TSGA10: variants seen among roughly 807,000 people sequenced by gnomAD.
TSGA10 encodes testis-specific gene 10 protein.
Under a neutral mutation model 96.6 loss-of-function variants are expected in TSGA10, and 43 were observed. The observed-to-expected ratio is 0.44, with a 90% CI of 0.35 to 0.57. TSGA10 has a LOEUF of 0.57. Ranked by LOEUF, TSGA10 falls within the 20% of genes least tolerant of loss-of-function variation. TSGA10 has a pLI of 0.01. For missense variants in TSGA10, 703 were observed against 834.4 expected (o/e 0.84, Z 1.94); for synonymous variants, 229 against 269.9 (o/e 0.85, Z 1.48).
chr2:99,048,095 T>C (rs2082984267), intron 16 of TSGA10, among the ~76,000 whole-genome samples: 1 of 152,138 alleles, frequency 6.6e-6, no homozygotes, highest in African/African-American at 2.4e-5. Flanking sequence ...TGGAAGAACA[T>C]TCCATGCTCA....
chr2:99,074,187 T>G (rs369388063), intron 12 of TSGA10, among the ~76,000 whole-genome samples: 70 of 146,158 alleles, frequency 4.8e-4, no homozygotes, highest in African/African-American at 8.8e-4. Context: ...TAATTTTTTG[T>G]ATACTTAGTA....
chr2:99,108,975 A>G lies in TSGA10; in HGVS notation c.68T>C (p.Val23Ala). 6.3e-7 allele frequency: 1 copy of G among 1,588,510 alleles called. No homozygotes were observed. The highest frequency in any genetic ancestry group is 8.5e-7 in the Non-Finnish European group (1 of 1,172,450). ...TCTTGTTGTTGTCTTCAAAAGTTCT[A>G]CATCACAGTTTGCACCCTATAATTA... is the stretch of plus-strand genomic sequence containing the variant. ...SPTARGANCDVELLKTTTRDR... is the reference protein window; with the variant it reads ...SPTARGANCDAELLKTTTRDR... The change falls in exon 7 of 21, where the codon GTA (valine) becomes GCA (alanine). Residue 23 changes from valine (V) to alanine (A), a missense_variant. This residue lies in a region of TSGA10 where 585 missense variants were observed against 656.8 expected (regional missense o/e 0.89). Coordinates refer to ENST00000393483, the MANE Select transcript of TSGA10 (RefSeq NM_025244.4).
At chr2:99,144,699 GTC>G (rs982460075) in intron 1 of TSGA10, among the ~76,000 whole-genome samples, 1 of 146,056 alleles carries the variant, frequency 6.8e-6, no homozygotes, top group Non-Finnish European at 1.5e-5. Context: ...GATAAGTCTG[GTC>G]TCTGTTACTC....
At position 99,143,846 on chromosome 2, in the gene TSGA10, C is replaced by T. The variant is rs564502256; in HGVS notation, c.-621+10847G>A. ...CTTCTAAGGTCTTGGTTTTCTAGTCCCTTAATTTTTCCATCATTTCAAAAG... is the reference window on the plus strand; with the variant it reads ...CTTCTAAGGTCTTGGTTTTCTAGTCTCTTAATTTTTCCATCATTTCAAAAG... On this transcript the variant is annotated intron_variant, in intron 1 of 20. Transcript: ENST00000393483. 5.9e-5 allele frequency among the ~76,000 whole-genome samples: 9 copies of T among 152,124 alleles called. No homozygotes were observed. In the South Asian group the frequency reaches 1.5e-3, roughly 25 times the overall value.
intron 16 of TSGA10, among the ~76,000 whole-genome samples, chr2:99,052,298 G>T (rs2083470881): frequency 6.6e-6 from 1 of 151,848 alleles, no homozygotes; most frequent in South Asian, 2.1e-4. Context: ...GACACAACAA[G>T]AAATACAAAG....
intron 16 of TSGA10, among the ~76,000 whole-genome samples, chr2:99,056,949 A>G (rs925807151): frequency 2.6e-5 from 4 of 152,162 alleles, no homozygotes; most frequent in Admixed American, 2.6e-4. Context: ...GTAATATACT[A>G]TATCTATAAA....
chr2:99,101,422 C>T (rs757497671), intron 10 of TSGA10, among the ~76,000 whole-genome samples: 3 of 152,048 alleles, frequency 2.0e-5, no homozygotes, highest in Admixed American at 6.5e-5. Context: ...CCTCCCTTGG[C>T]CCCTCAAAGT....
rs552172844 is a variant in TSGA10, at chr2:99,127,061, G to A, written c.-505C>T. The A allele has an allele frequency of 7.8e-7, 1 of 1,289,238 alleles. No individual in the cohort carries two copies. The allele number at this position is 1,289,238 out of a possible 1,614,324, so 79.9% of individuals were successfully genotyped here. A position where few individuals can be genotyped will look rare whatever the true frequency, so the allele number is the denominator to read the frequency against. ...ACTAAACGCAACCTGTAATTTCAGT[G>A]TCGAGATGAATCTATCTTGGTTTCT... On this transcript the variant is annotated 5_prime_UTR_variant, in exon 2 of 21. Coordinates refer to ENST00000393483, the MANE Select transcript of TSGA10 (RefSeq NM_025244.4).
chr2:99,105,341 C>CTT lies in TSGA10; in HGVS notation c.459+16_459+17dup, dbSNP rs750042796. The CTT allele has an allele frequency of 1.3e-3, 1,864 of 1,456,838 alleles. No homozygotes were observed. Among genetic ancestry groups the CTT allele is most frequent in the South Asian group, 2.6e-3 (201 of 78,404 alleles). The allele number at this position is 1,456,838 out of a possible 1,614,324, so 90.2% of individuals were successfully genotyped here. ...GTGTTTATAGCCAAAAGAGACTTTT[C>CTT]TTTTTTTTTTTTTTTACATTATGAA... On this transcript the variant is annotated intron_variant, in intron 9 of 20. Transcript: ENST00000393483.
chr2:99,146,726 T>TCAAGCGATTCTCCTGCCTC (rs2093636072), intron 1 of TSGA10, among the ~76,000 whole-genome samples: 1 of 152,126 alleles, frequency 6.6e-6, no homozygotes, highest in Non-Finnish European at 1.5e-5. Context: ...CCCCCTGGGT[T>TCAAGCGATTCTCCTGCCTC]CAAGCGATTC....
intron 20 of TSGA10, among the ~76,000 whole-genome samples, chr2:99,000,506 GA>G (rs2077798674): frequency 7.0e-6 from 1 of 142,978 alleles, no homozygotes; most frequent in Admixed American, 7.1e-5. Context: ...GTGAAACTCT[GA>G]CTTAAAAAAA....
At chr2:99,005,228 G>A (rs1181978624) in intron 20 of TSGA10, among the ~76,000 whole-genome samples, 1 of 152,178 alleles carries the variant, frequency 6.6e-6, no homozygotes, top group Non-Finnish European at 1.5e-5. Flanking sequence ...TTGAAGACTG[G>A]CACAAGACAG....
chr2:99,151,059 C>A, intron 1 of TSGA10: 1 of 405,548 alleles, frequency 2.5e-6, no homozygotes, highest in Non-Finnish European at 4.4e-6. Context: ...GCAGATTTCT[C>A]TGGTATTATA....
At chr2:99,097,534 C>T (rs770935913) in intron 10 of TSGA10, among the ~76,000 whole-genome samples, 1 of 152,110 alleles carries the variant, frequency 6.6e-6, no homozygotes, top group African/African-American at 2.4e-5. Flanking sequence ...AAGGTTCTTG[C>T]AATTCTCAGG....
At chr2:99,044,905 C>T (rs1383101553) in intron 16 of TSGA10, among the ~76,000 whole-genome samples, 3 of 152,114 alleles carry the variant, frequency 2.0e-5, no homozygotes, top group Admixed American at 1.3e-4. Context: ...TACATGGAAA[C>T]TGAACAACCT....
chr2:99,128,161 A>T (rs1354048066), intron 1 of TSGA10, among the ~76,000 whole-genome samples: 1 of 152,196 alleles, frequency 6.6e-6, no homozygotes, highest in Non-Finnish European at 1.5e-5. Context: ...CAGAATCAGG[A>T]TCTCCCCAGT....
At chr2:99,139,889 G>A (rs921168761) in intron 1 of TSGA10, among the ~76,000 whole-genome samples, 1 of 152,088 alleles carries the variant, frequency 6.6e-6, no homozygotes, top group East Asian at 1.9e-4. Context: ...CTCTGGGGAG[G>A]GAAAGAAATA....
At chr2:99,141,244 C>T in intron 1 of TSGA10, 2 of 946,082 alleles carry the variant, frequency 2.1e-6, no homozygotes, top group Non-Finnish European at 2.7e-6. Flanking sequence ...CGTCCTGGCC[C>T]CGCCCCGGCG....
chr2:99,010,060 T>C (rs1009811681), intron 20 of TSGA10, among the ~76,000 whole-genome samples: 3 of 152,224 alleles, frequency 2.0e-5, no homozygotes, highest in African/African-American at 7.2e-5. Context: ...TAGAAATATA[T>C]CTAAAATATT....
Sources: allele counts gnomAD v4.1 joint callset (sites outside exome capture counted in the v4.1 genomes callset), GRCh38; gene constraint gnomAD v4.1.1; regional missense constraint gnomAD v4.1.1; transcripts MANE v1.5; gene names NCBI Gene and HGNC (gene_info 2026-07-23, HGNC 2026-07-21).